Variants in KIF16B observed in about 807,000 individuals in gnomAD.
The protein encoded by KIF16B is kinesin-like protein KIF16B.
KIF16B carries 98 observed loss-of-function variants against 156.3 expected under a neutral mutation model. The observed-to-expected ratio is 0.63, with a 90% confidence interval of 0.53 to 0.74. KIF16B has a LOEUF of 0.74. KIF16B is among the 30% of genes least tolerant of loss of function. KIF16B has a pLI of 0.00. For synonymous variants in KIF16B, 564 were observed against 583.7 expected, an observed-to-expected ratio of 0.97 and a Z score of 0.49; for missense variants, 1,421 against 1,606.5, an observed-to-expected ratio of 0.88 and a Z score of 1.97.
At chr20:16,461,811 T>C (rs1278239804) in intron 12 of KIF16B, among the ~76,000 whole-genome samples, 1 of 152,174 alleles carries the variant, frequency 6.6e-6, no homozygotes, top group Non-Finnish European at 1.5e-5. Flanking sequence ...AGACATGAAT[T>C]GTTAATGTTT....
At chr20:16,460,689 A>G (rs1416139561) in intron 12 of KIF16B, among the ~76,000 whole-genome samples, 2 of 152,220 alleles carry the variant, frequency 1.3e-5, no homozygotes, top group Non-Finnish European at 2.9e-5. Context: ...AAGATGAAGA[A>G]TGGAGGAACC....
At chr20:16,482,394 G>A (rs990987757) in intron 12 of KIF16B, among the ~76,000 whole-genome samples, 4 of 152,000 alleles carry the variant, frequency 2.6e-5, no homozygotes, top group African/African-American at 9.7e-5. Context: ...CCAACCTGCC[G>A]CTCCTAGTAA....
In KIF16B at chr20:16,378,098, A is replaced by AT. The variant is rs373160655; in HGVS notation, c.3197+706dup. On this transcript the variant is annotated intron_variant, in intron 19 of 25. Coordinates refer to ENST00000354981, the MANE Select transcript of KIF16B (RefSeq NM_024704.5). The stretch of plus-strand genomic sequence containing the variant: ...CTCAATAGGGGTGGGAGAAGTATTG[A>AT]TTTTTTCATTCCCAACATGTTGCAG... 3.8e-3 allele frequency among the ~76,000 whole-genome samples: 583 copies of AT among 152,218 alleles called. 2 individuals carry two copies. Among genetic ancestry groups the AT allele is most frequent in the African/African-American group, 0.013 (549 of 41,538 alleles).
At position 16,497,562 on chromosome 20, in the gene KIF16B, AAAT is replaced by A. The variant is rs778663472; in HGVS notation, c.1242+48_1242+50del. The A allele has an allele frequency of 4.9e-5, 70 of 1,431,998 alleles. No homozygotes were observed. In the Admixed American group the frequency reaches 1.2e-3, roughly 25 times the overall value. The allele number at this position is 1,431,998 out of a possible 1,614,324, so 88.7% of individuals were successfully genotyped here. The stretch of plus-strand genomic sequence containing the variant: ...CAAGTCCTAAAAAAGCATGCACTTA[AAAT>A]AATAGTAAAAGTTATGATTTAAAAA... On this transcript the variant is annotated intron_variant, in intron 11 of 25. Transcript: ENST00000354981.
Position 16,475,941 on chromosome 20 carries a change from C to G in KIF16B, c.1302+18350G>C, listed in dbSNP as rs80137791. Among the ~76,000 whole-genome samples the G allele has an allele frequency of 7.3e-3, 1,115 of 152,344 alleles. 10 individuals are homozygous for G. The highest frequency in any genetic ancestry group is 0.023 in the African/African-American group (975 of 41,578). ...TCATCTTTCTGCAGCAATTCTCAAACTAGCTACAAGAAGACATTCCAGCTG... is the reference window on the plus strand; with the variant it reads ...TCATCTTTCTGCAGCAATTCTCAAAGTAGCTACAAGAAGACATTCCAGCTG... On this transcript the variant is annotated intron_variant, in intron 12 of 25. Coordinates refer to ENST00000354981, the MANE Select transcript of KIF16B (RefSeq NM_024704.5).
In KIF16B at chr20:16,526,124, T is replaced by G. The variant is rs184779220; in HGVS notation, c.199A>C (p.Thr67Pro). 9 of 1,604,910 alleles carry G rather than the reference T, an allele frequency of 5.6e-6. No homozygotes were observed. Among genetic ancestry groups the G allele is most frequent in the Non-Finnish European group, 6.8e-6 (8 of 1,174,950 alleles). The change falls in exon 3 of 26, where the codon ACA (threonine) becomes CCA (proline). Residue 67 changes from threonine to proline, a missense_variant. Thr to Pro is a conservative substitution (Grantham distance 38). Transcript: ENST00000354981. The part of the protein sequence containing the change: ...TYDFSFYSAD[T>P]KSPDYVSQEM... ...TGTGAAACGTAATCTGGGCTTTTTG[T>G]ATCAGCAGAATAAAAAGAAAAGTCA...
chr20:16,434,844 T>A (rs763169536), intron 12 of KIF16B, among the ~76,000 whole-genome samples: 1 of 152,148 alleles, frequency 6.6e-6, no homozygotes, highest in Non-Finnish European at 1.5e-5. Flanking sequence ...TTGACTCACA[T>A]CATAAAGTGC....
At position 16,397,696 on chromosome 20, in the gene KIF16B, C is replaced by T. The variant is rs77090457; in HGVS notation, c.1784+7117G>A. Reference sequence around the variant, plus strand: ...TTTTTCAGTCAATTGCAAAAACATACTCATGTCTACACAATACCAAAGAAA... The same window carrying T: ...TTTTTCAGTCAATTGCAAAAACATATTCATGTCTACACAATACCAAAGAAA... On this transcript the variant is annotated intron_variant, in intron 17 of 25. Transcript: ENST00000354981. Among the ~76,000 whole-genome samples the T allele has an allele frequency of 1.2e-3, 176 of 152,322 alleles. 3 individuals carry two copies. In the East Asian group the frequency reaches 0.027, roughly 23 times the overall value.
chr20:16,456,810 T>C (rs892591217), intron 12 of KIF16B, among the ~76,000 whole-genome samples: 1 of 151,862 alleles, frequency 6.6e-6, no homozygotes, highest in Non-Finnish European at 1.5e-5. Context: ...AAATGGAAGC[T>C]GAACTCGCTT....
chr20:16,377,432 TA>T (rs1003443621), intron 19 of KIF16B, among the ~76,000 whole-genome samples: 1 of 151,630 alleles, frequency 6.6e-6, no homozygotes, highest in Non-Finnish European at 1.5e-5. Flanking sequence ...AATAAATAAA[TA>T]AATAGCCAGG....
intron 1 of KIF16B, among the ~76,000 whole-genome samples, chr20:16,572,890 C>T (rs1189488098): frequency 1.3e-5 from 2 of 152,098 alleles, no homozygotes; most frequent in Non-Finnish European, 2.9e-5. Flanking sequence ...TCGTGGTGCC[C>T]CCCCTCAGCA....
At chr20:16,368,228 C>A in intron 22 of KIF16B, 2 of 1,008,994 alleles carry the variant, frequency 2.0e-6, no homozygotes, top group Non-Finnish European at 2.4e-6. Flanking sequence ...TTTCTAGCAT[C>A]TTCATATTCA....
At chr20:16,501,575 C>A (rs764903758) in intron 10 of KIF16B, among the ~76,000 whole-genome samples, 1 of 151,906 alleles carries the variant, frequency 6.6e-6, no homozygotes, top group Non-Finnish European at 1.5e-5. Context: ...AGTAACAGCC[C>A]GAAATAGGAA....
At chr20:16,544,623 A>AAC (rs1270217995) in intron 1 of KIF16B, among the ~76,000 whole-genome samples, 1 of 151,002 alleles carries the variant, frequency 6.6e-6, no homozygotes, top group Non-Finnish European at 1.5e-5. Context: ...AAAAAAAAAA[A>AAC]AAAAAAAACT....
At chr20:16,405,776 C>T (rs371632638) in intron 16 of KIF16B, among the ~76,000 whole-genome samples, 20 of 152,238 alleles carry the variant, frequency 1.3e-4, no homozygotes, top group African/African-American at 4.3e-4. Context: ...ATTCCTGGCT[C>T]GTAGAAATGT....
chr20:16,486,252 A>G (rs2068111964), intron 12 of KIF16B, among the ~76,000 whole-genome samples: 1 of 152,108 alleles, frequency 6.6e-6, no homozygotes, highest in Admixed American at 6.5e-5. Context: ...ACCACATAAG[A>G]TGCTCTCAAT....
At chr20:16,317,509 T>C (rs999735035) in intron 24 of KIF16B, among the ~76,000 whole-genome samples, 1 of 152,240 alleles carries the variant, frequency 6.6e-6, no homozygotes, top group African/African-American at 2.4e-5. Context: ...CATTTCCCCT[T>C]ACAACTTTTT....
At chr20:16,334,749 T>C (rs1285476157) in intron 24 of KIF16B, among the ~76,000 whole-genome samples, 1 of 152,148 alleles carries the variant, frequency 6.6e-6, no homozygotes, top group Non-Finnish European at 1.5e-5. Flanking sequence ...TTGCTCCCTG[T>C]CTCCCCATGT....
Position 16,459,465 on chromosome 20 carries a change from C to T in KIF16B, c.1303-29483G>A, listed in dbSNP as rs115143293. ...ATTTTCCAAAAGTAGCAGCACACTT[C>T]CCCGGGCTGTGGAGTACAGCACACT... is the stretch of plus-strand genomic sequence containing the variant. On this transcript the variant is annotated intron_variant, in intron 12 of 25. Transcript: ENST00000354981. Among the ~76,000 whole-genome samples, 1,093 of 152,260 alleles carry T rather than the reference C, an allele frequency of 7.2e-3. 19 individuals carry two copies. The highest frequency in any genetic ancestry group is 0.025 in the African/African-American group (1,050 of 41,546).
Sources: allele counts gnomAD v4.1 joint callset (sites outside exome capture counted in the v4.1 genomes callset), GRCh38; gene constraint gnomAD v4.1.1; transcripts MANE v1.5; gene names NCBI Gene and HGNC (gene_info 2026-07-23, HGNC 2026-07-21).